The following HDAC9 variants were observed in gnomAD, a reference collection of about 807,000 sequenced individuals.
The protein encoded by HDAC9 is histone deacetylase 9, also known as MEF-2 interacting transcription repressor (MITR) protein.
Under a neutral mutation model 139.4 loss-of-function variants are expected in HDAC9, and 41 were observed. The observed-to-expected ratio is 0.29, with a 90% CI of 0.23 to 0.38. The LOEUF (loss-of-function observed/expected upper bound fraction) is 0.38, where lower values mean the gene tolerates loss of function less well. HDAC9 is among the 10% of genes least tolerant of loss of function. The probability of loss-of-function intolerance (pLI) is 1.00; values close to 1 mark genes in which losing one functional copy is unlikely to be tolerated. For synonymous variants in HDAC9, 517 were observed against 476.2 expected, an observed-to-expected ratio of 1.09 and a Z score of -1.12; for missense variants, 1,147 against 1,297.0, an observed-to-expected ratio of 0.88 and a Z score of 1.78.
chr7:18,969,797 T>C (rs1413795755), intron 24 of HDAC9, among the ~76,000 whole-genome samples: 1 of 152,196 alleles, frequency 6.6e-6, no homozygotes, highest in Non-Finnish European at 1.5e-5. Flanking sequence ...CATCTGAATT[T>C]GGTAAAATTT....
chr7:18,141,921 A>C (rs1209034657), intron 1 of HDAC9, among the ~76,000 whole-genome samples: 1 of 152,196 alleles, frequency 6.6e-6, no homozygotes, highest in Admixed American at 6.5e-5. Context: ...TTTACAATAA[A>C]GGAGGCAAAT....
At chr7:18,980,943 C>G (rs1289841613) in intron 25 of HDAC9, among the ~76,000 whole-genome samples, 3 of 151,954 alleles carry the variant, frequency 2.0e-5, no homozygotes, top group African/African-American at 7.3e-5. Flanking sequence ...CTTGCCTCAG[C>G]CTCTCGAGTA....
At chr7:18,938,755 C>A (rs946538047) in intron 23 of HDAC9, among the ~76,000 whole-genome samples, 1 of 152,148 alleles carries the variant, frequency 6.6e-6, no homozygotes, top group Non-Finnish European at 1.5e-5. Context: ...ACCAACTGGT[C>A]AGAGTTTGAA....
chr7:18,219,237 T>C (rs1263751500), intron 2 of HDAC9, among the ~76,000 whole-genome samples: 2 of 152,324 alleles, frequency 1.3e-5, no homozygotes, highest in South Asian at 2.1e-4. Flanking sequence ...ATAATTACTT[T>C]TAAAGTTGTA....
At chr7:18,991,416 A>G (rs34954969) in intron 25 of HDAC9, among the ~76,000 whole-genome samples, 33,512 of 152,144 alleles carry the variant, frequency 0.22, 4,041 homozygotes, top group Middle Eastern at 0.35. Flanking sequence ...CGAGGCGGGC[A>G]GATCACGAGG....
chr7:18,689,249 C>T (rs984551338), intron 12 of HDAC9, among the ~76,000 whole-genome samples: 1 of 151,766 alleles, frequency 6.6e-6, no homozygotes, highest in African/African-American at 2.4e-5. Flanking sequence ...TACATTATTT[C>T]CCTCCCACCG....
At chr7:18,534,281 G>A (rs905830788) in intron 2 of HDAC9, among the ~76,000 whole-genome samples, 1 of 152,310 alleles carries the variant, frequency 6.6e-6, no homozygotes, top group South Asian at 2.1e-4. Flanking sequence ...ATGTGCAGGC[G>A]TGATGGCTCA....
rs11348285 is a variant in HDAC9, at chr7:18,783,661, C to CTTT, written c.2215-9669_2215-9667dup. ...ATCAACTCAACTAGTTCTGCTGAGACTTTTTTTTTTTTTTTTTGCCTTTCC... is the reference window on the plus strand; with the variant it reads ...ATCAACTCAACTAGTTCTGCTGAGACTTTTTTTTTTTTTTTTTTTTGCCTTTCC... On this transcript the variant is annotated intron_variant, in intron 16 of 25. Transcript: ENST00000686413. Among the ~76,000 whole-genome samples, 10 of 132,376 alleles carry CTTT rather than the reference C, an allele frequency of 7.6e-5. 1 individual carries two copies. Among genetic ancestry groups the CTTT allele is most frequent in the South Asian group, 2.4e-4 (1 of 4,176 alleles). The allele number at this position is 132,376 out of a possible 152,430, so 86.8% of individuals were successfully genotyped here.
At chr7:18,608,260 C>T (rs1041148145) in intron 6 of HDAC9, among the ~76,000 whole-genome samples, 1 of 151,972 alleles carries the variant, frequency 6.6e-6, no homozygotes, top group African/African-American at 2.4e-5. Flanking sequence ...TGGAAGTGTT[C>T]TTTATGGCAA....
chr7:18,122,290 G>T (rs1254193624), intron 1 of HDAC9, among the ~76,000 whole-genome samples: 1 of 152,098 alleles, frequency 6.6e-6, no homozygotes, highest in Non-Finnish European at 1.5e-5. Context: ...ATATGGATAT[G>T]TTATATGAGG....
At chr7:18,405,060 AC>A (rs1272808571) in intron 1 of HDAC9, among the ~76,000 whole-genome samples, 3 of 152,216 alleles carry the variant, frequency 2.0e-5, no homozygotes, top group African/African-American at 7.2e-5. Flanking sequence ...GTGGGAGCAA[AC>A]AGGAGGACCC....
At chr7:18,736,617 G>A (rs1786927407) in intron 13 of HDAC9, among the ~76,000 whole-genome samples, 1 of 152,182 alleles carries the variant, frequency 6.6e-6, no homozygotes, top group South Asian at 2.1e-4. Flanking sequence ...TTTTTGATAT[G>A]CTGCTGGATT....
intron 1 of HDAC9, among the ~76,000 whole-genome samples, chr7:18,148,350 C>T (rs1029465299): frequency 1.6e-4 from 25 of 152,182 alleles, no homozygotes; most frequent in African/African-American, 6.0e-4. Flanking sequence ...GGTCTCTCTC[C>T]TGCATCTTCA....
intron 2 of HDAC9, among the ~76,000 whole-genome samples, chr7:18,169,956 A>C (rs1484394468): frequency 6.6e-6 from 1 of 152,156 alleles, no homozygotes; most frequent in African/African-American, 2.4e-5. Flanking sequence ...ATGATTTATA[A>C]TCCTTTGGGT....
At chr7:18,278,058 A>G (rs1330044655) in intron 2 of HDAC9, among the ~76,000 whole-genome samples, 1 of 152,344 alleles carries the variant, frequency 6.6e-6, no homozygotes, top group Non-Finnish European at 1.5e-5. Flanking sequence ...AGGAAGCACC[A>G]TCTTGAACTT....
chr7:18,804,009 A>G (rs1409707217), intron 17 of HDAC9, among the ~76,000 whole-genome samples: 1 of 152,230 alleles, frequency 6.6e-6, no homozygotes, highest in Non-Finnish European at 1.5e-5. Flanking sequence ...CTGAAGAGCA[A>G]TGATAAAGAG....
At chr7:18,270,987 T>C in intron 2 of HDAC9, among the ~76,000 whole-genome samples, 1 of 152,218 alleles carries the variant, frequency 6.6e-6, no homozygotes, top group East Asian at 1.9e-4. Context: ...ATTGATTCTG[T>C]GTGCTAAACA....
At chr7:18,513,239 A>T (rs976236191) in intron 2 of HDAC9, among the ~76,000 whole-genome samples, 2 of 152,180 alleles carry the variant, frequency 1.3e-5, no homozygotes, top group African/African-American at 4.8e-5. Context: ...TTTTATGAAG[A>T]TAGGGCAGGG....
intron 1 of HDAC9, among the ~76,000 whole-genome samples, chr7:18,297,304 G>A (rs902463871): frequency 2.0e-5 from 3 of 151,908 alleles, no homozygotes; most frequent in Non-Finnish European, 4.4e-5. Flanking sequence ...AGGCTTCCTC[G>A]GGCTGTCTTT....
Sources: allele counts gnomAD v4.1 joint callset (sites outside exome capture counted in the v4.1 genomes callset), GRCh38; gene constraint gnomAD v4.1.1; transcripts MANE v1.5; gene names NCBI Gene and HGNC (gene_info 2026-07-23, HGNC 2026-07-21).